Variants in ROBO2 observed in about 807,000 individuals in gnomAD.
The protein encoded by ROBO2 is roundabout guidance receptor 2, also known as roundabout homolog 2.
A neutral mutation model predicts 160.8 loss-of-function variants in ROBO2; 53 were observed. The ratio of observed to expected loss-of-function variants is 0.33; its 90% CI spans 0.26 to 0.41. The LOEUF (loss-of-function observed/expected upper bound fraction) is 0.41. Among genes scored for constraint, ROBO2 ranks in the 10% least tolerant of loss-of-function variants. The pLI is 1.00. For missense variants in ROBO2, 1,577 were observed against 1,722.4 expected (o/e 0.92, Z 1.49); for synonymous variants, 664 against 611.7 (o/e 1.09, Z -1.26).
chr3:76,554,264 A>G (rs2083578111), intron 2 of ROBO2, among the ~76,000 whole-genome samples: 1 of 152,200 alleles, frequency 6.6e-6, no homozygotes, highest in African/African-American at 2.4e-5. Context: ...TTCTTAAGAA[A>G]AATAAATTAT....
chr3:77,248,011 C>A (rs1248403137), intron 2 of ROBO2, among the ~76,000 whole-genome samples: 1 of 152,108 alleles, frequency 6.6e-6, no homozygotes, highest in Non-Finnish European at 1.5e-5. Context: ...CACCCCACCC[C>A]CGTCCTGTGC....
At chr3:77,177,786 G>A (rs1015725667) in intron 2 of ROBO2, among the ~76,000 whole-genome samples, 6 of 151,928 alleles carry the variant, frequency 3.9e-5, no homozygotes, top group Non-Finnish European at 5.9e-5. Flanking sequence ...ACTTTACAAA[G>A]ACCATGAATG....
intron 2 of ROBO2, among the ~76,000 whole-genome samples, chr3:76,026,563 C>T (rs142372654): frequency 4.0e-5 from 6 of 151,762 alleles, no homozygotes; most frequent in African/African-American, 1.2e-4. Flanking sequence ...ATTCATTGTA[C>T]AAAAAAATTA....
chr3:76,871,304 C>T (rs2148678093), intron 2 of ROBO2, among the ~76,000 whole-genome samples: 1 of 152,236 alleles, frequency 6.6e-6, no homozygotes, highest in South Asian at 2.1e-4. Context: ...CCTGTAATCC[C>T]AGCACTTTGG....
chr3:76,430,636 T>C (rs2076398086), intron 2 of ROBO2, among the ~76,000 whole-genome samples: 1 of 152,096 alleles, frequency 6.6e-6, no homozygotes, highest in Non-Finnish European at 1.5e-5. Flanking sequence ...AAATGGCACA[T>C]TTTTCCCTGG....
At chr3:76,295,700 C>A (rs1335888615) in intron 2 of ROBO2, among the ~76,000 whole-genome samples, 1 of 152,072 alleles carries the variant, frequency 6.6e-6, no homozygotes, top group Admixed American at 6.6e-5. Flanking sequence ...ATCAAGAAAA[C>A]ATTAAAATGG....
chr3:77,475,003 C>A (rs983393745), intron 2 of ROBO2, among the ~76,000 whole-genome samples: 21 of 152,066 alleles, frequency 1.4e-4, no homozygotes, highest in Non-Finnish European at 2.9e-4. Context: ...TGATTTTACT[C>A]CTTTTTCTAA....
intron 2 of ROBO2, among the ~76,000 whole-genome samples, chr3:76,263,719 G>A (rs920950769): frequency 6.6e-6 from 1 of 152,112 alleles, no homozygotes; most frequent in South Asian, 2.1e-4. Flanking sequence ...CCATTAGTGG[G>A]TATATACCCA....
chr3:77,398,304 G>T (rs1469963645), intron 2 of ROBO2, among the ~76,000 whole-genome samples: 1 of 152,068 alleles, frequency 6.6e-6, no homozygotes, highest in Non-Finnish European at 1.5e-5. Flanking sequence ...GGGAGTGTTA[G>T]AACTGATGAA....
At chr3:76,109,728 C>A (rs559116219) in intron 2 of ROBO2, among the ~76,000 whole-genome samples, 1 of 151,666 alleles carries the variant, frequency 6.6e-6, no homozygotes, top group Non-Finnish European at 1.5e-5. Flanking sequence ...GGCTATATTG[C>A]GAAGTGGTGA....
At chr3:76,766,715 C>G (rs2061594406) in intron 2 of ROBO2, among the ~76,000 whole-genome samples, 1 of 151,624 alleles carries the variant, frequency 6.6e-6, no homozygotes, top group South Asian at 2.1e-4. Flanking sequence ...GGGTGGAGTG[C>G]TAATTTCTAA....
intron 1 of ROBO2, among the ~76,000 whole-genome samples, chr3:77,057,962 C>A (rs938976548): frequency 6.6e-6 from 1 of 151,766 alleles, no homozygotes; most frequent in Non-Finnish European, 1.5e-5. Flanking sequence ...GCACGTTCTG[C>A]ACATGTATCC....
intron 1 of ROBO2, among the ~76,000 whole-genome samples, chr3:77,059,044 G>A (rs908148716): frequency 3.3e-5 from 5 of 152,246 alleles, no homozygotes; most frequent in African/African-American, 1.2e-4. Context: ...GTTTATACCT[G>A]TGATTGAATT....
chr3:76,825,585 CCCT>C (rs1229387592), intron 2 of ROBO2, among the ~76,000 whole-genome samples: 1 of 130,000 alleles, frequency 7.7e-6, no homozygotes, highest in African/African-American at 3.0e-5. Flanking sequence ...TGGGAGTCTA[CCCT>C]TTCATCATCT....
At chr3:77,411,797 A>G (rs2153522631) in intron 2 of ROBO2, among the ~76,000 whole-genome samples, 1 of 152,340 alleles carries the variant, frequency 6.6e-6, no homozygotes, top group East Asian at 1.9e-4. Context: ...GGACAAAGCT[A>G]AAGGAGACAG....
upstream of ROBO2, among the ~76,000 whole-genome samples, chr3:77,038,510 CCAAA>C (rs1383983956): frequency 2.6e-5 from 4 of 152,116 alleles, no homozygotes; most frequent in Non-Finnish European, 4.4e-5. Flanking sequence ...AACGTATCCA[CCAAA>C]CAAAGGCTCT....
intron 2 of ROBO2, among the ~76,000 whole-genome samples, chr3:75,968,001 A>G (rs1369729066): frequency 2.6e-5 from 4 of 151,598 alleles, no homozygotes; most frequent in Non-Finnish European, 5.9e-5. Flanking sequence ...GAGAAGTATA[A>G]TCTTGAAAAA....
intron 2 of ROBO2, among the ~76,000 whole-genome samples, chr3:76,789,419 G>A (rs558364475): frequency 1.3e-5 from 2 of 151,586 alleles, no homozygotes; most frequent in African/African-American, 4.8e-5. Flanking sequence ...ATGACTGGTG[G>A]CTACACACTG....
chr3:76,128,786 A>G (rs2071106842), intron 2 of ROBO2, among the ~76,000 whole-genome samples: 1 of 152,126 alleles, frequency 6.6e-6, no homozygotes, highest in Non-Finnish European at 1.5e-5. Context: ...TGTATTTTTA[A>G]AAAAGATTTA....
Sources: gnomAD v4.1 joint callset for allele counts (sites outside exome capture counted in the v4.1 genomes callset) on GRCh38, gnomAD v4.1.1 for gene constraint, MANE v1.5 for transcripts, NCBI Gene and HGNC (gene_info 2026-07-23, HGNC 2026-07-21) for gene names.